MTCH2: variants seen among roughly 807,000 people sequenced by gnomAD.
MTCH2 encodes the protein mitochondrial carrier homolog 2.
MTCH2 carries 25 observed loss-of-function variants against 50.6 expected under a neutral mutation model. That is an observed-to-expected ratio of 0.49 (90% CI 0.36 to 0.69). The LOEUF (loss-of-function observed/expected upper bound fraction) is 0.69, where lower values mean the gene tolerates loss of function less well. MTCH2 is among the 30% of genes least tolerant of loss of function. The pLI, the probability that MTCH2 is intolerant of heterozygous loss-of-function variation, is 0.00. For missense variants in MTCH2, 273 were observed against 384.4 expected (o/e 0.71, Z 2.42); for synonymous variants, 106 against 132.0 (o/e 0.80, Z 1.35).
At chr11:47,609,656 A>C in the MTCH2 span, among the ~76,000 whole-genome samples, 1 of 150,500 alleles carries the variant, frequency 6.6e-6, no homozygotes, top group Non-Finnish European at 1.5e-5. Flanking sequence ...AAAAAAGAAA[A>C]GAGAAGAAAA....
rs770291351 is a variant in MTCH2 at position 47,630,582 on chromosome 11, C to T, written c.512G>A (p.Arg171Gln). 1.9e-5 allele frequency: 31 copies of T among 1,612,690 alleles called. No individual in the cohort carries two copies. The highest frequency in any genetic ancestry group is 8.3e-5 in the Admixed American group (5 of 59,966). ...GLCDSIITIY[R>Q]EEGILGFFAG... ...GAAAAATCCTAGAATGCCCTCTTCC[C>T]GATAGATGGTTATTATGGAATCACA... is the stretch of plus-strand genomic sequence containing the variant. Residue 171 changes from arginine (R) to glutamine (Q), a missense_variant, in exon 8 of 13, where the codon CGG becomes CAG. Around this residue, in one of 2 missense-constraint regions of MTCH2, gnomAD observed 203 missense variants for 244.3 expected, o/e 0.83. Coordinates refer to ENST00000302503, the MANE Select transcript of MTCH2 (RefSeq NM_014342.4).
rs1035670696 is a variant in MTCH2 at position 47,635,412 on chromosome 11, G to A, written c.306+133C>T. 6.3e-6 allele frequency: 6 copies of A among 958,526 alleles called. No homozygotes were observed. The Admixed American group carries it at 6.6e-5, about 11-fold the overall frequency. The allele number at this position is 958,526 out of a possible 1,614,324, so 59.4% of individuals were successfully genotyped here. ...TCAAACAGAACTGTCCAAACTGGTG[G>A]CCACCCCATAGGACAACACTCACTG... On this transcript the variant is annotated intron_variant, in intron 4 of 12. Coordinates refer to ENST00000302503, the MANE Select transcript of MTCH2 (RefSeq NM_014342.4).
At chr11:47,609,109 A>T in the MTCH2 span, among the ~76,000 whole-genome samples, 2 of 127,494 alleles carry the variant, frequency 1.6e-5, no homozygotes, top group Admixed American at 1.7e-4. Flanking sequence ...GGGTAACAAG[A>T]GCAAAACTCT....
rs1202696859 is a variant in MTCH2 at position 47,642,471 on chromosome 11, C to T, written c.-6G>A. 6.9e-7 allele frequency: 1 copy of T among 1,438,934 alleles called. No individual in the cohort carries two copies. Among genetic ancestry groups the T allele is most frequent in the Non-Finnish European group, 9.1e-7 (1 of 1,098,944 alleles). The allele number at this position is 1,438,934 out of a possible 1,614,324, so 89.1% of individuals were successfully genotyped here. On this transcript the variant is annotated 5_prime_UTR_variant, in exon 1 of 13. Coordinates refer to ENST00000302503, the MANE Select transcript of MTCH2 (RefSeq NM_014342.4). ...TGACTGGCCGCGTCCGCCATGATGG[C>T]ACCCGCGGGCGGACGGACAGACAGA... is the stretch of plus-strand genomic sequence containing the variant.
Position 47,629,039 on chromosome 11 carries a change from C to T in MTCH2, c.547G>A (p.Val183Ile). 1 of 1,613,294 alleles carries T rather than the reference C, an allele frequency of 6.2e-7. No homozygotes were observed. ...AGGATGTCACCTAGAAGGCGAGGAA[C>T]AAGACCCCTACATGAAGAAACAATA... ...EGILGFFAGL[V>I]PRLLGDILSL... The change falls in exon 9 of 13, where the codon GTT (valine) becomes ATT (isoleucine). Residue 183 changes from valine to isoleucine, a missense_variant. Physicochemically the swap from Val to Ile is conservative, Grantham distance 29. This residue lies in a region of MTCH2 where 203 missense variants were observed against 244.3 expected (regional missense o/e 0.83). Coordinates refer to ENST00000302503, the MANE Select transcript of MTCH2 (RefSeq NM_014342.4).
chr11:47,626,651 C>T (rs967837833), intron 10 of MTCH2, among the ~76,000 whole-genome samples: 1 of 151,836 alleles, frequency 6.6e-6, no homozygotes, highest in Non-Finnish European at 1.5e-5. Context: ...CTCACTCTGT[C>T]GCCCAGGCCG....
chr11:47,642,522 C>A lies in MTCH2; in HGVS notation c.-57G>T. ...CGGAGCCACCAAGCGACCCGGTGAG[C>A]CGGTCCTAGGTCACGTGCCAGGGCC... On this transcript the variant is annotated 5_prime_UTR_variant, in exon 1 of 13. Transcript: ENST00000302503. The A allele has an allele frequency of 6.6e-7, 1 of 1,510,562 alleles. No individual in the cohort carries two copies. The highest frequency in any genetic ancestry group is 8.9e-7 in the Non-Finnish European group (1 of 1,118,724). The allele number at this position is 1,510,562 out of a possible 1,614,324, so 93.6% of individuals were successfully genotyped here.
chr11:47,628,717 G>C (rs1038295800), intron 9 of MTCH2, among the ~76,000 whole-genome samples: 2 of 152,102 alleles, frequency 1.3e-5, no homozygotes, highest in African/African-American at 4.8e-5. Context: ...TGGGACTATA[G>C]GCACGCACCA....
chr11:47,608,326 G>A, the MTCH2 span, among the ~76,000 whole-genome samples: 1 of 152,164 alleles, frequency 6.6e-6, no homozygotes, highest in African/African-American at 2.4e-5. Context: ...TAGCTACCAT[G>A]GTATCCAGGC....
downstream of MTCH2, among the ~76,000 whole-genome samples, chr11:47,612,823 G>A (rs774127320): frequency 2.6e-5 from 4 of 152,024 alleles, no homozygotes; most frequent in Non-Finnish European, 5.9e-5. Context: ...CAGAGTGCAA[G>A]ATTCTGACTC....
At chr11:47,616,366 C>CT (rs762038724), downstream of MTCH2, among the ~76,000 whole-genome samples, 9 of 151,878 alleles carry the variant, frequency 5.9e-5, no homozygotes, top group African/African-American at 1.9e-4. Context: ...TTTTCTTTTT[C>CT]TTTTTTTTAA....
rs556531805 is a variant in MTCH2, at chr11:47,630,458, C to T, written c.539+97G>A. On this transcript the variant is annotated intron_variant, in intron 8 of 12. Transcript: ENST00000302503. ...TAACGTGAGGTAAGCCCAGGGAGTA[C>T]GTTTTCCCCAAGGATTAAACAAAGA... 1.5e-5 allele frequency: 17 copies of T among 1,097,774 alleles called. 1 individual carries two copies. Among genetic ancestry groups the T allele is most frequent in the South Asian group, 1.5e-4 (12 of 78,326 alleles). 68.0% of individuals were successfully genotyped at this position (1,097,774 alleles called of 1,614,324 possible).
At position 47,635,588 on chromosome 11, in the gene MTCH2, A is replaced by T. The variant is rs565033167; in HGVS notation, c.280-17T>A. On this transcript the variant is annotated splice_polypyrimidine_tract_variant and intron_variant, in intron 3 of 12. Transcript: ENST00000302503. ...CTGGTAATGCTATAGAAAAAAAGAA[A>T]AAGGATGATTAGGGTTATTACAGTG... The T allele has an allele frequency of 8.7e-6, 14 of 1,609,350 alleles. No homozygotes were observed. The South Asian group carries it at 1.1e-4, about 13-fold the overall frequency.
Position 47,618,732 on chromosome 11 carries a change from A to T in MTCH2, c.*101T>A, listed in dbSNP as rs1598830396. 5.9e-6 allele frequency: 7 copies of T among 1,189,758 alleles called. No individual in the cohort carries two copies. The East Asian group carries it at 1.6e-4, about 28-fold the overall frequency. 73.7% of individuals were successfully genotyped at this position (1,189,758 alleles called of 1,614,324 possible). A position where few individuals can be genotyped will look rare whatever the true frequency, so the allele number is the denominator to read the frequency against. Reference sequence around the variant, plus strand: ...ACCTGAATTTTCCCAAGATTAAATGATTATTAAAAAAGCGCGCCACACTGT... The same window carrying T: ...ACCTGAATTTTCCCAAGATTAAATGTTTATTAAAAAAGCGCGCCACACTGT... On this transcript the variant is annotated 3_prime_UTR_variant, in exon 13 of 13. Transcript: ENST00000302503.
intron 12 of MTCH2, among the ~76,000 whole-genome samples, chr11:47,621,436 CT>C (rs67019206): frequency 0.97 from 133,732 of 138,140 alleles, 64,724 homozygotes; most frequent in East Asian, 0.99. Flanking sequence ...TTGTTATTGT[CT>C]TTTTTTTTTT....
At chr11:47,633,526 A>ATATT (rs1378774715) in intron 5 of MTCH2, among the ~76,000 whole-genome samples, 1 of 35,078 alleles carries the variant, frequency 2.9e-5, no homozygotes, top group Non-Finnish European at 5.9e-5. Flanking sequence ...ATATATATAT[A>ATATT]TTTTTTTTTT....
In MTCH2 at chr11:47,631,629, G is replaced by T. The variant is rs765300969; in HGVS notation, c.427+25C>A. On this transcript the variant is annotated intron_variant, in intron 6 of 12. Transcript: ENST00000302503. ...AGGAGAGATCAGGTTATAAAAGAAA[G>T]GTCAGTTGTCAACTGCAAACATACC... 287 of 1,612,818 alleles carry T rather than the reference G, an allele frequency of 1.8e-4. 7 individuals carry two copies. In the Admixed American group the frequency reaches 4.5e-3, roughly 25 times the overall value.
intron 7 of MTCH2, among the ~76,000 whole-genome samples, 172 bp downstream of exon 7, chr11:47,630,864 A>C (rs973105398): frequency 1.3e-5 from 2 of 152,092 alleles, no homozygotes; most frequent in African/African-American, 4.8e-5. Context: ...AGGCTACTAA[A>C]CCTGCCTGGG....
chr11:47,630,660 G>T (rs1201341648), intron 7 of MTCH2, 46 bp from the exon 8 acceptor site: 3 of 1,524,728 alleles, frequency 2.0e-6, no homozygotes, highest in Non-Finnish European at 2.7e-6. Flanking sequence ...GATTCTTTTG[G>T]AGCTATAAAC....
Sources: allele counts gnomAD v4.1 joint callset (sites outside exome capture counted in the v4.1 genomes callset), GRCh38; gene constraint gnomAD v4.1.1; regional missense constraint gnomAD v4.1.1; transcripts MANE v1.5; gene names NCBI Gene and HGNC (gene_info 2026-07-23, HGNC 2026-07-21).